The following HNRNPC variants were observed in gnomAD, a reference collection of about 807,000 sequenced individuals.
The protein encoded by HNRNPC is heterogeneous nuclear ribonucleoprotein C.
HNRNPC carries 3 observed loss-of-function variants against 33.2 expected under a neutral mutation model. The ratio of observed to expected loss-of-function variants is 0.09; its 90% confidence interval spans 0.04 to 0.23. The LOEUF is 0.23. HNRNPC is among the 10% of genes least tolerant of loss of function. The pLI is 1.00. For synonymous variants in HNRNPC, 121 were observed against 126.7 expected, an observed-to-expected ratio of 0.96 and a Z score of 0.30; for missense variants, 143 against 366.7, an observed-to-expected ratio of 0.39 and a Z score of 4.98.
At chr14:21,214,221 A>C (rs906371089) in intron 5 of HNRNPC, among the ~76,000 whole-genome samples, 4 of 152,236 alleles carry the variant, frequency 2.6e-5, no homozygotes, top group Non-Finnish European at 5.9e-5. Context: ...TTTCTTAAAA[A>C]ACAAATGTGA....
chr14:21,257,866 C>T (rs1468764903), intron 2 of HNRNPC, among the ~76,000 whole-genome samples: 1 of 152,150 alleles, frequency 6.6e-6, no homozygotes, highest in Admixed American at 6.6e-5. Context: ...TGGCCTAAAG[C>T]TCACTTTTAA....
At chr14:21,245,780 T>TTA (rs1459740589) in intron 2 of HNRNPC, among the ~76,000 whole-genome samples, 1 of 152,206 alleles carries the variant, frequency 6.6e-6, no homozygotes, top group African/African-American at 2.4e-5. Context: ...AGCCTAAGCC[T>TTA]ATAGGTGTTC....
At chr14:21,218,705 A>AAC in intron 5 of HNRNPC, among the ~76,000 whole-genome samples, 1 of 143,576 alleles carries the variant, frequency 7.0e-6, no homozygotes, top group Non-Finnish European at 1.5e-5. Context: ...AAAAAAAAAA[A>AAC]AAACTGAAAT....
rs538267110 is a variant in HNRNPC at position 21,235,378 on chromosome 14, A to G, written c.-36-1149T>C. On this transcript the variant is annotated intron_variant, in intron 2 of 8. Coordinates refer to ENST00000553300, the MANE Select transcript of HNRNPC (RefSeq NM_004500.4). ...CTCACGGATGATGTAAAAAAGTCTA[A>G]TGTATACATATATGTACATAAAAAC... 3.9e-5 allele frequency among the ~76,000 whole-genome samples: 6 copies of G among 152,296 alleles called. No individual in the cohort carries two copies. In the South Asian group the frequency reaches 1.2e-3, roughly 32 times the overall value.
intron 2 of HNRNPC, among the ~76,000 whole-genome samples, chr14:21,245,913 T>G (rs1895933935): frequency 6.6e-6 from 1 of 152,012 alleles, no homozygotes; most frequent in Admixed American, 6.6e-5. Context: ...TGGCGCAGTC[T>G]CAGTTCACTA....
intron 5 of HNRNPC, among the ~76,000 whole-genome samples, chr14:21,218,429 T>TA (rs911106751): frequency 6.6e-6 from 1 of 152,122 alleles, no homozygotes; most frequent in African/African-American, 2.4e-5. Context: ...CCCATGCCTG[T>TA]AATCCCAGCA....
chr14:21,250,170 T>C (rs1168890012), intron 2 of HNRNPC, among the ~76,000 whole-genome samples: 3 of 151,762 alleles, frequency 2.0e-5, no homozygotes, highest in East Asian at 1.9e-4. Flanking sequence ...GGGGAATTGC[T>C]GTAACCTGGG....
chr14:21,233,901 G>C, intron 3 of HNRNPC, 52 bp downstream of exon 3: 4 of 1,577,674 alleles, frequency 2.5e-6, no homozygotes, highest in Non-Finnish European at 3.4e-6. Flanking sequence ...AAAAAAACGT[G>C]AATAGAAAAA....
chr14:21,249,297 C>T (rs967707309), intron 2 of HNRNPC, among the ~76,000 whole-genome samples: 6 of 152,006 alleles, frequency 3.9e-5, no homozygotes, highest in East Asian at 1.9e-4. Flanking sequence ...TGGGGCTGGG[C>T]GCAGTGGCTC....
At chr14:21,249,115 AT>A (rs1896329423) in intron 2 of HNRNPC, among the ~76,000 whole-genome samples, 1 of 152,214 alleles carries the variant, frequency 6.6e-6, no homozygotes, top group Admixed American at 6.5e-5. Context: ...CTAATAATAC[AT>A]AATGCTTTTG....
intron 2 of HNRNPC, among the ~76,000 whole-genome samples, chr14:21,245,115 G>C (rs1048895513): frequency 6.9e-4 from 98 of 142,628 alleles, no homozygotes; most frequent in African/African-American, 2.5e-3. Flanking sequence ...AAGCAAAAGA[G>C]AAAACAAGGG....
At chr14:21,245,376 A>G (rs1163371853) in intron 2 of HNRNPC, among the ~76,000 whole-genome samples, 5 of 151,946 alleles carry the variant, frequency 3.3e-5, no homozygotes, top group African/African-American at 4.8e-5. Flanking sequence ...CATGCCTGTA[A>G]TCCTAGCTAC....
At position 21,233,110 on chromosome 14, in the gene HNRNPC, A is replaced by T. The variant is rs114247760; in HGVS notation, c.241+843T>A. ...ACATGAATAACCTTCAGGTTTTGGT[A>T]CATTAACCTCATTTACAATTCTGAC... is the stretch of plus-strand genomic sequence containing the variant. On this transcript the variant is annotated intron_variant, in intron 3 of 8. Coordinates refer to ENST00000553300, the MANE Select transcript of HNRNPC (RefSeq NM_004500.4). Among the ~76,000 whole-genome samples the T allele has an allele frequency of 2.7e-3, 411 of 152,306 alleles. 4 individuals carry two copies. The highest frequency in any genetic ancestry group is 9.3e-3 in the African/African-American group (387 of 41,558).
intron 2 of HNRNPC, among the ~76,000 whole-genome samples, chr14:21,250,038 T>C (rs1896459927): frequency 6.6e-6 from 1 of 152,158 alleles, no homozygotes; most frequent in Non-Finnish European, 1.5e-5. Context: ...ATAATCTATA[T>C]GAATGAAAAT....
chr14:21,251,336 C>T (rs1342406574), intron 2 of HNRNPC, among the ~76,000 whole-genome samples: 1 of 150,168 alleles, frequency 6.7e-6, no homozygotes, highest in Admixed American at 6.6e-5. Context: ...TCAGTGACCT[C>T]AGACTGAGCA....
At chr14:21,227,017 T>C (rs1392123541) in intron 5 of HNRNPC, among the ~76,000 whole-genome samples, 1 of 152,130 alleles carries the variant, frequency 6.6e-6, no homozygotes, top group Non-Finnish European at 1.5e-5. Flanking sequence ...AGTATCGCTG[T>C]TACCATTTAA....
chr14:21,256,580 G>A (rs560070215), intron 2 of HNRNPC, among the ~76,000 whole-genome samples: 1 of 152,170 alleles, frequency 6.6e-6, no homozygotes, highest in African/African-American at 2.4e-5. Flanking sequence ...CAGGAGACAA[G>A]GGTGGCTTGA....
intron 5 of HNRNPC, among the ~76,000 whole-genome samples, chr14:21,220,117 T>G (rs1386811319): frequency 6.6e-6 from 1 of 152,196 alleles, no homozygotes; most frequent in Admixed American, 6.5e-5. Context: ...CCTCCCATTC[T>G]CTTCACAAAG....
intron 2 of HNRNPC, among the ~76,000 whole-genome samples, chr14:21,251,855 A>G (rs1488982789): frequency 6.6e-6 from 1 of 152,200 alleles, no homozygotes; most frequent in African/African-American, 2.4e-5. Context: ...ATCAGTTAAG[A>G]TCAGTTTTTT....
Sources: allele counts gnomAD v4.1 joint callset (sites outside exome capture counted in the v4.1 genomes callset), GRCh38; gene constraint gnomAD v4.1.1; transcripts MANE v1.5; gene names NCBI Gene and HGNC (gene_info 2026-07-23, HGNC 2026-07-21).